EPM2A: variants seen among roughly 807,000 people sequenced by gnomAD.
EPM2A encodes EPM2A glucan phosphatase, laforin.
Under a neutral mutation model 26.5 loss-of-function variants are expected in EPM2A, and 21 were observed. The ratio of observed to expected loss-of-function variants is 0.79; its 90% CI spans 0.56 to 1.14. The LOEUF (loss-of-function observed/expected upper bound fraction) is 1.14, where lower values mean the gene tolerates loss of function less well. Among genes scored for constraint, EPM2A ranks in the 50% most tolerant of loss-of-function variants. The pLI is 0.00. For synonymous variants in EPM2A, 217 were observed against 177.6 expected, an observed-to-expected ratio of 1.22 and a Z score of -1.76; for missense variants, 458 against 440.8, an observed-to-expected ratio of 1.04 and a Z score of -0.35.
At chr6:145,647,348 G>A (rs189473876) in intron 2 of EPM2A, among the ~76,000 whole-genome samples, 1 of 152,110 alleles carries the variant, frequency 6.6e-6, no homozygotes, top group African/African-American at 2.4e-5. Flanking sequence ...ATTCCTCTTG[G>A]AACACATCTT....
intron 2 of EPM2A, among the ~76,000 whole-genome samples, chr6:145,551,368 C>G (rs888144848): frequency 6.6e-6 from 1 of 151,860 alleles, no homozygotes; most frequent in Non-Finnish European, 1.5e-5. Flanking sequence ...GAGGAGAACT[C>G]AAGTTTCTGA....
At chr6:145,551,460 C>G (rs1010453359) in intron 2 of EPM2A, among the ~76,000 whole-genome samples, 2 of 151,812 alleles carry the variant, frequency 1.3e-5, no homozygotes, top group African/African-American at 4.8e-5. Context: ...AAAGCAGATA[C>G]CTAAATGACA....
intron 1 of EPM2A, among the ~76,000 whole-genome samples, chr6:145,710,573 G>C (rs995061079): frequency 2.0e-4 from 31 of 152,274 alleles, no homozygotes; most frequent in East Asian, 1.4e-3. Flanking sequence ...CGATTCCTCA[G>C]GGATCTAGAA....
At chr6:145,645,984 A>T (rs1234218515) in intron 2 of EPM2A, among the ~76,000 whole-genome samples, 1 of 152,180 alleles carries the variant, frequency 6.6e-6, no homozygotes, top group Non-Finnish European at 1.5e-5. Flanking sequence ...GTTCTCATCT[A>T]ACGAGAAGAG....
intron 4 of EPM2A, among the ~76,000 whole-genome samples, chr6:145,480,492 TA>T (rs1293884523): frequency 6.6e-6 from 1 of 152,144 alleles, no homozygotes; most frequent in Non-Finnish European, 1.5e-5. Flanking sequence ...GAGATCTTTT[TA>T]TATCTTGAAT....
At chr6:145,540,061 G>A (rs1403256776) in intron 2 of EPM2A, among the ~76,000 whole-genome samples, 1 of 152,104 alleles carries the variant, frequency 6.6e-6, no homozygotes, top group African/African-American at 2.4e-5. Flanking sequence ...CCACAATAAA[G>A]GCTCTTGCCT....
chr6:145,565,316 C>A (rs1780870282), intron 2 of EPM2A, among the ~76,000 whole-genome samples: 1 of 152,166 alleles, frequency 6.6e-6, no homozygotes, highest in African/African-American at 2.4e-5. Context: ...AACATGACCC[C>A]ATGTGATGTA....
At chr6:145,389,730 GTC>G (rs1778312555) in intron 4 of EPM2A, among the ~76,000 whole-genome samples, 1 of 152,018 alleles carries the variant, frequency 6.6e-6, no homozygotes, top group Non-Finnish European at 1.5e-5. Context: ...AGCAGTGAAG[GTC>G]TCCTACCTCC....
At chr6:145,417,446 T>C (rs923401773) in intron 4 of EPM2A, among the ~76,000 whole-genome samples, 1 of 152,106 alleles carries the variant, frequency 6.6e-6, no homozygotes, top group Non-Finnish European at 1.5e-5. Context: ...ATGGATTGAG[T>C]TCGTCAGGCT....
At position 145,433,117 on chromosome 6, in the gene EPM2A, T is replaced by C. The variant is rs574864135; in HGVS notation, c.556-49020A>G. Among the ~76,000 whole-genome samples the C allele has an allele frequency of 6.6e-5, 10 of 152,280 alleles. No homozygotes were observed. In the South Asian group the frequency reaches 2.1e-3, roughly 32 times the overall value. ...AACTTTGTCCATATCAGAAATAAGG[T>C]TGTCTCATTTTCTTATCATTTATGT... is the stretch of plus-strand genomic sequence containing the variant. On this transcript the variant is annotated intron_variant, in intron 4 of 4. Transcript: ENST00000638717.
chr6:145,387,267 C>T (rs961990182), intron 4 of EPM2A, among the ~76,000 whole-genome samples: 2 of 152,098 alleles, frequency 1.3e-5, no homozygotes, highest in African/African-American at 4.8e-5. Flanking sequence ...AAAGACCTTC[C>T]CTCCAACACC....
At chr6:145,658,051 C>G (rs1365339927) in intron 2 of EPM2A, among the ~76,000 whole-genome samples, 1 of 152,112 alleles carries the variant, frequency 6.6e-6, no homozygotes, top group East Asian at 1.9e-4. Flanking sequence ...TATGTGCACT[C>G]TATATTTACT....
At chr6:145,562,127 G>GTAAAAAAAAAAA (rs755571602) in intron 2 of EPM2A, among the ~76,000 whole-genome samples, 1 of 140,254 alleles carries the variant, frequency 7.1e-6, no homozygotes, top group Admixed American at 7.1e-5. Flanking sequence ...ATTACAAAAA[G>GTAAAAAAAAAAA]GAAAAAAAAA....
chr6:145,420,616 T>G (rs1464248972), intron 4 of EPM2A, among the ~76,000 whole-genome samples: 1 of 152,312 alleles, frequency 6.6e-6, no homozygotes, highest in African/African-American at 2.4e-5. Context: ...TCAACAATAA[T>G]TACACTGGCA....
At chr6:145,660,851 G>A (rs1238448584) in intron 2 of EPM2A, among the ~76,000 whole-genome samples, 1 of 152,052 alleles carries the variant, frequency 6.6e-6, no homozygotes, top group Non-Finnish European at 1.5e-5. Flanking sequence ...TGAAAAGAAT[G>A]AAAGCAGATC....
Position 145,686,429 on chromosome 6 carries a change from A to T in EPM2A, c.302-133T>A, listed in dbSNP as rs77139794. On this transcript the variant is annotated intron_variant, in intron 1 of 3. Transcript: ENST00000367519. The stretch of plus-strand genomic sequence containing the variant: ...CTACTTAATCTACACATTTCAGTAT[A>T]AACAAAAAAGACTAGAGTGAAAAAC... 5.0e-3 allele frequency: 3,699 copies of T among 736,464 alleles called. 85 individuals carry two copies. In the East Asian group the frequency reaches 0.062, roughly 12 times the overall value. 45.6% of individuals were successfully genotyped at this position (736,464 alleles called of 1,614,324 possible).
intron 2 of EPM2A, among the ~76,000 whole-genome samples, chr6:145,504,380 A>G (rs1270514618): frequency 1.5e-5 from 2 of 129,646 alleles, no homozygotes; most frequent in Non-Finnish European, 3.3e-5. Context: ...TCTACAATGA[A>G]CTCAAACAAA....
chr6:145,588,395 T>C (rs779432916), intron 2 of EPM2A, among the ~76,000 whole-genome samples: 3 of 152,200 alleles, frequency 2.0e-5, no homozygotes, highest in Non-Finnish European at 4.4e-5. Context: ...AATTCTTCAT[T>C]TGGAACATGT....
chr6:145,609,167 C>T (rs7751866), intron 2 of EPM2A, among the ~76,000 whole-genome samples: 11,350 of 152,090 alleles, frequency 0.075, 1,423 homozygotes, highest in African/African-American at 0.25. Context: ...ATGCTCTAAG[C>T]CAATTAATTT....
Sources: gnomAD v4.1 joint callset for allele counts (sites outside exome capture counted in the v4.1 genomes callset) on GRCh38, gnomAD v4.1.1 for gene constraint, MANE v1.5 for transcripts, NCBI Gene and HGNC (gene_info 2026-07-23, HGNC 2026-07-21) for gene names.